Variants in ANO6 observed in about 807,000 individuals in gnomAD.
The protein encoded by ANO6 is anoctamin 6.
ANO6 carries 106 observed loss-of-function variants against 117.5 expected under a neutral mutation model. The ratio of observed to expected loss-of-function variants is 0.90; its 90% CI spans 0.77 to 1.06. The LOEUF is 1.06. Ranked by LOEUF, ANO6 falls within the 50% of genes least tolerant of loss-of-function variation. The pLI is 0.00. For synonymous variants in ANO6, 367 were observed against 385.1 expected, an observed-to-expected ratio of 0.95 and a Z score of 0.55; for missense variants, 955 against 1,121.1, an observed-to-expected ratio of 0.85 and a Z score of 2.12.
At chr12:45,344,063 G>A (rs777084213) in intron 3 of ANO6, among the ~76,000 whole-genome samples, 3 of 152,140 alleles carry the variant, frequency 2.0e-5, no homozygotes, top group Non-Finnish European at 4.4e-5. Context: ...TCTTGTAGGA[G>A]TTTAAAATGG....
intron 1 of ANO6, among the ~76,000 whole-genome samples, chr12:45,284,239 G>T (rs112439163): frequency 0.014 from 2,195 of 152,306 alleles, 41 homozygotes; most frequent in African/African-American, 0.049. Flanking sequence ...TCTCTAAGCA[G>T]CATTCCTTCT....
intron 3 of ANO6, chr12:45,335,615 G>C (rs967255515): frequency 6.6e-6 from 1 of 151,940 alleles, no homozygotes; most frequent in Non-Finnish European, 1.5e-5. Context: ...TTTCAGATGT[G>C]GGATGCTCAG....
At chr12:45,280,319 C>T (rs1938683521) in intron 1 of ANO6, among the ~76,000 whole-genome samples, 1 of 152,144 alleles carries the variant, frequency 6.6e-6, no homozygotes, top group African/African-American at 2.4e-5. Flanking sequence ...ATCAGTAACC[C>T]AGTGTGCTCA....
intron 1 of ANO6, among the ~76,000 whole-genome samples, chr12:45,290,091 A>G (rs1939046049): frequency 6.6e-6 from 1 of 152,154 alleles, no homozygotes; most frequent in African/African-American, 2.4e-5. Flanking sequence ...GCTGCAAAAT[A>G]TGAATGTGTT....
rs572390367 is a variant in ANO6, at chr12:45,405,440, A to T, written c.1880+1904A>T. On this transcript the variant is annotated intron_variant, in intron 15 of 19. Coordinates refer to ENST00000320560, the MANE Select transcript of ANO6 (RefSeq NM_001025356.3). Reference sequence around the variant, plus strand: ...GTGGTTTATACTTTCACTTCAAGTAAGCTCATTGTTGAAAATTACAGTGAT... The same window carrying T: ...GTGGTTTATACTTTCACTTCAAGTATGCTCATTGTTGAAAATTACAGTGAT... Among the ~76,000 whole-genome samples the T allele has an allele frequency of 2.0e-5, 3 of 152,354 alleles. No homozygotes were observed. The East Asian group carries it at 5.8e-4, about 29-fold the overall frequency.
chr12:45,433,072 T>C (rs1943666184), downstream of ANO6, among the ~76,000 whole-genome samples: 1 of 152,230 alleles, frequency 6.6e-6, no homozygotes, highest in Non-Finnish European at 1.5e-5. Context: ...GATGAATAAC[T>C]GACAGCTTCC....
intron 2 of ANO6, among the ~76,000 whole-genome samples, chr12:45,318,432 G>A (rs536811550): frequency 6.6e-6 from 1 of 152,238 alleles, no homozygotes; most frequent in African/African-American, 2.4e-5. Flanking sequence ...TCAAATAGTT[G>A]TAGATGTGTG....
At chr12:45,294,296 G>A (rs182212415) in intron 1 of ANO6, among the ~76,000 whole-genome samples, 47 of 152,300 alleles carry the variant, frequency 3.1e-4, no homozygotes, top group African/African-American at 1.1e-3. Context: ...AGAATGCGGA[G>A]AGAATATTTA....
rs762616253 is a variant in ANO6, at chr12:45,421,234, G to A, written c.2381G>A (p.Gly794Glu). 4.6e-5 allele frequency: 75 copies of A among 1,614,006 alleles called. No individual in the cohort carries two copies. Among genetic ancestry groups the A allele is most frequent in the South Asian group, 3.1e-4 (28 of 91,090 alleles). ...GCAGACTTCAAAAACAAAAGCAAGG[G>A]AAACCCGTACTCTGACCTGGGTAAC... ...KVADFKNKSK[G>E]NPYSDLGNHT... The change falls in exon 18 of 20, where the codon GGA (glycine) becomes GAA (glutamate). Residue 794 changes from glycine (G) to glutamate (E), a missense_variant. Coordinates refer to ENST00000320560, the MANE Select transcript of ANO6 (RefSeq NM_001025356.3).
intron 17 of ANO6, 57 bp from the exon 18 acceptor site, chr12:45,421,014 C>G: frequency 6.4e-7 from 1 of 1,565,556 alleles, no homozygotes; most frequent in Non-Finnish European, 8.8e-7. Flanking sequence ...AGCGAGACTC[C>G]GTCTCAAAAA....
At chr12:45,344,329 G>T (rs13378014) in intron 3 of ANO6, among the ~76,000 whole-genome samples, 1 of 152,100 alleles carries the variant, frequency 6.6e-6, no homozygotes, top group Non-Finnish European at 1.5e-5. Context: ...TATGTGTTAG[G>T]CATTGTATTA....
At chr12:45,329,555 C>G (rs1484594593) in intron 2 of ANO6, among the ~76,000 whole-genome samples, 1 of 152,106 alleles carries the variant, frequency 6.6e-6, no homozygotes, top group African/African-American at 2.4e-5. Flanking sequence ...GAGCCATGTA[C>G]AGATGTGGTT....
At chr12:45,232,432 G>C (rs1231052920) in intron 1 of ANO6, among the ~76,000 whole-genome samples, 5 of 152,198 alleles carry the variant, frequency 3.3e-5, no homozygotes, top group African/African-American at 1.2e-4. Flanking sequence ...ACTGAACCAG[G>C]ATAGCTGAGA....
intron 2 of ANO6, among the ~76,000 whole-genome samples, chr12:45,308,002 G>T (rs1334167901): frequency 6.7e-6 from 1 of 148,350 alleles, no homozygotes; most frequent in Non-Finnish European, 1.5e-5. Context: ...TGGATACAGA[G>T]AATTTAGGTA....
chr12:45,426,480 C>CTCTA (rs1318734029), intron 19 of ANO6, among the ~76,000 whole-genome samples: 1 of 152,076 alleles, frequency 6.6e-6, no homozygotes, highest in South Asian at 2.1e-4. Context: ...TCCTCGATTC[C>CTCTA]TCTATCTTTC....
At chr12:45,386,746 A>G (rs1407524233) in intron 10 of ANO6, among the ~76,000 whole-genome samples, 1 of 152,204 alleles carries the variant, frequency 6.6e-6, no homozygotes, top group Non-Finnish European at 1.5e-5. Context: ...ACTTACTACC[A>G]GATTATTTGC....
chr12:45,411,439 T>A (rs1943083548), intron 16 of ANO6, among the ~76,000 whole-genome samples: 1 of 152,222 alleles, frequency 6.6e-6, no homozygotes, highest in South Asian at 2.1e-4. Context: ...AGTCTGTCAC[T>A]GTGTGGGCAA....
At chr12:45,235,004 C>G (rs951384039) in intron 1 of ANO6, among the ~76,000 whole-genome samples, 18 of 151,836 alleles carry the variant, frequency 1.2e-4, no homozygotes, top group African/African-American at 4.4e-4. Context: ...CCTTTCAGTT[C>G]TAATAATTTG....
chr12:45,404,810 A>G (rs1007356940), intron 15 of ANO6, among the ~76,000 whole-genome samples: 48 of 152,146 alleles, frequency 3.2e-4, no homozygotes, highest in African/African-American at 1.1e-3. Flanking sequence ...CCTTCTTTAC[A>G]GGCTCTCGCC....
Sources: allele counts gnomAD v4.1 joint callset (sites outside exome capture counted in the v4.1 genomes callset), GRCh38; gene constraint gnomAD v4.1.1; transcripts MANE v1.5; gene names NCBI Gene and HGNC (gene_info 2026-07-23, HGNC 2026-07-21).